The following DCC variants were observed in gnomAD, a reference collection of about 807,000 sequenced individuals.
DCC encodes netrin receptor DCC.
Under a neutral mutation model 172.5 loss-of-function variants are expected in DCC, and 58 were observed. That is an observed-to-expected ratio of 0.34 (90% CI 0.27 to 0.42). The LOEUF (loss-of-function observed/expected upper bound fraction) is 0.42, where lower values mean the gene tolerates loss of function less well. DCC is among the 10% of genes least tolerant of loss of function. The pLI is 1.00. For synonymous variants in DCC, 709 were observed against 644.5 expected (o/e 1.10, Z -1.52); for missense variants, 1,740 against 1,791.0 (o/e 0.97, Z 0.51).
At chr18:53,112,904 T>C (rs2144260877) in intron 7 of DCC, among the ~76,000 whole-genome samples, 1 of 151,636 alleles carries the variant, frequency 6.6e-6, no homozygotes, top group Admixed American at 6.6e-5. Context: ...TTATAAGCCT[T>C]TTTGCTTAAT....
At chr18:52,500,797 A>T (rs2030989085) in intron 1 of DCC, among the ~76,000 whole-genome samples, 1 of 152,070 alleles carries the variant, frequency 6.6e-6, no homozygotes, top group Admixed American at 6.6e-5. Context: ...GAGGATAACA[A>T]CATTTCTGCA....
At position 52,925,333 on chromosome 18, in the gene DCC, T is replaced by A; in HGVS notation, c.948T>A (p.Asn316Lys). 6.2e-7 allele frequency: 1 copy of A among 1,612,504 alleles called. No individual in the cohort carries two copies. The highest frequency in any genetic ancestry group is 1.7e-4 in the Middle Eastern group (1 of 6,054). ...ATACCTGTGTTGTCACATATAAAAATGAGAATATTAGTGCCTCTGCAGAGC... is the reference window on the plus strand; with the variant it reads ...ATACCTGTGTTGTCACATATAAAAAAGAGAATATTAGTGCCTCTGCAGAGC... ...GMYTCVVTYK[N>K]ENISASAELT... The change falls in exon 5 of 29, where the codon AAT (asparagine) becomes AAA (lysine). Residue 316 changes from asparagine (N) to lysine (K), a missense_variant. Around this residue, in one of 2 missense-constraint regions of DCC, gnomAD observed 1,732 missense variants for 1,767.4 expected, o/e 0.98. Transcript: ENST00000442544.
At chr18:52,745,376 T>C (rs970149741) in intron 1 of DCC, among the ~76,000 whole-genome samples, 7 of 152,214 alleles carry the variant, frequency 4.6e-5, no homozygotes, top group African/African-American at 1.7e-4. Context: ...TTCTAGAGTT[T>C]TAGTTAACGT....
chr18:53,308,871 G>A (rs538051651), intron 13 of DCC, among the ~76,000 whole-genome samples: 1 of 152,188 alleles, frequency 6.6e-6, no homozygotes, highest in Non-Finnish European at 1.5e-5. Flanking sequence ...GTGTTGGTAG[G>A]TTCAGCTCCC....
intron 21 of DCC, among the ~76,000 whole-genome samples, chr18:53,429,896 C>G (rs10163836): frequency 6.6e-6 from 1 of 151,816 alleles, no homozygotes; most frequent in Non-Finnish European, 1.5e-5. Context: ...TAGTTCTTTT[C>G]TATTAAAATA....
intron 7 of DCC, among the ~76,000 whole-genome samples, chr18:53,123,671 CT>C (rs1181794811): frequency 6.6e-6 from 1 of 152,022 alleles, no homozygotes; most frequent in Non-Finnish European, 1.5e-5. Context: ...TAGGTCATAG[CT>C]ATTTTTCCTT....
Position 52,961,626 on chromosome 18 carries a change from A to G in DCC, c.985+36256A>G, listed in dbSNP as rs5002781. On this transcript the variant is annotated intron_variant, in intron 5 of 28. Transcript: ENST00000442544. ...TGGCTATGCCTCCCTGCACAAATAC[A>G]TTGATGCATTTGTATGGCTTAAGTC... Among the ~76,000 whole-genome samples the G allele has an allele frequency of 1.4e-4, 21 of 152,282 alleles. No individual in the cohort carries two copies. In the South Asian group the frequency reaches 4.1e-3, roughly 30 times the overall value.
intron 2 of DCC, among the ~76,000 whole-genome samples, chr18:52,774,266 G>C (rs1012665448): frequency 1.3e-5 from 2 of 152,158 alleles, no homozygotes; most frequent in East Asian, 3.9e-4. Context: ...AGGTGATTCT[G>C]GTGCACACTC....
intron 9 of DCC, among the ~76,000 whole-genome samples, chr18:53,183,759 C>T (rs1364871857): frequency 6.6e-6 from 1 of 151,912 alleles, no homozygotes; most frequent in African/African-American, 2.4e-5. Flanking sequence ...TTCTTTCCTC[C>T]TTCATGAGAT....
At chr18:52,930,783 T>G (rs1357420852) in intron 5 of DCC, among the ~76,000 whole-genome samples, 1 of 152,174 alleles carries the variant, frequency 6.6e-6, no homozygotes. Context: ...AAGAATAATA[T>G]TGACTATGTT....
intron 5 of DCC, among the ~76,000 whole-genome samples, chr18:52,956,450 A>G (rs944273684): frequency 1.3e-5 from 2 of 151,964 alleles, no homozygotes; most frequent in African/African-American, 2.4e-5. Context: ...TTATTCTTTT[A>G]CCAATACCAT....
At chr18:53,212,518 T>A (rs145780531) in intron 11 of DCC, among the ~76,000 whole-genome samples, 4 of 152,170 alleles carry the variant, frequency 2.6e-5, no homozygotes, top group Non-Finnish European at 4.4e-5. Flanking sequence ...TTCTCTACTC[T>A]CCTCCCTGAC....
intron 2 of DCC, among the ~76,000 whole-genome samples, chr18:52,841,330 T>G (rs4998815): frequency 0.44 from 66,383 of 151,666 alleles, 14,697 homozygotes; most frequent in South Asian, 0.55. Flanking sequence ...GAGTGCATTG[T>G]AGGAGAGTAA....
intron 1 of DCC, among the ~76,000 whole-genome samples, chr18:52,563,977 C>G (rs532985608): frequency 6.6e-6 from 1 of 152,252 alleles, no homozygotes; most frequent in African/African-American, 2.4e-5. Context: ...AAGTAGGTCA[C>G]CGGTCCAATA....
intron 27 of DCC, among the ~76,000 whole-genome samples, chr18:53,514,969 T>G (rs1191233721): frequency 6.6e-6 from 1 of 151,086 alleles, no homozygotes; most frequent in South Asian, 2.1e-4. Flanking sequence ...ATCATTCTGA[T>G]ACCAAAGCCA....
At chr18:52,413,469 A>C (rs1180627481) in intron 1 of DCC, among the ~76,000 whole-genome samples, 1 of 151,932 alleles carries the variant, frequency 6.6e-6, no homozygotes, top group African/African-American at 2.4e-5. Flanking sequence ...TCATCTATAT[A>C]ACCTCTCTTC....
At chr18:52,883,350 A>ATGTGTGTGTG (rs1172759213) in intron 2 of DCC, among the ~76,000 whole-genome samples, 187 of 34,134 alleles carry the variant, frequency 5.5e-3, no homozygotes, top group African/African-American at 0.013. Context: ...TTATTTATTT[A>ATGTGTGTGTG]TGTGTGTGTG....
intron 15 of DCC, among the ~76,000 whole-genome samples, chr18:53,351,424 GTGTA>G (rs372090898): frequency 0.24 from 4,276 of 17,516 alleles, 529 homozygotes; most frequent in Non-Finnish European, 0.37. Context: ...TATACACACT[GTGTA>G]TATATATATA....
intron 5 of DCC, among the ~76,000 whole-genome samples, chr18:53,063,062 AG>A (rs1469738139): frequency 1.3e-5 from 2 of 151,932 alleles, no homozygotes; most frequent in Non-Finnish European, 2.9e-5. Flanking sequence ...TTTTCCAAAA[AG>A]TGTTTCCTTT....
Sources: gnomAD v4.1 joint callset for allele counts (sites outside exome capture counted in the v4.1 genomes callset) on GRCh38, gnomAD v4.1.1 for gene constraint, gnomAD v4.1.1 regional missense constraint, MANE v1.5 for transcripts, NCBI Gene and HGNC (gene_info 2026-07-23, HGNC 2026-07-21) for gene names.